HS6ST2: variants seen among roughly 807,000 people sequenced by gnomAD.
HS6ST2 encodes the protein heparan-sulfate 6-O-sulfotransferase 2.
In HS6ST2, 17 loss-of-function variants were observed where a neutral mutation model predicts 33.0. The observed-to-expected ratio is 0.52, with a 90% CI of 0.35 to 0.77. The LOEUF is 0.77. Among genes scored for constraint, HS6ST2 ranks in the 30% least tolerant of loss-of-function variants. HS6ST2 has a pLI of 0.01. For synonymous variants in HS6ST2, 248 were observed against 237.1 expected (o/e 1.05, Z -0.42); for missense variants, 519 against 551.7 (o/e 0.94, Z 0.59).
intron 4 of HS6ST2, among the ~76,000 whole-genome samples, chrX:132,662,588 C>T (rs1397920526): frequency 2.7e-5 from 3 of 112,219 alleles, no homozygotes; most frequent in Non-Finnish European, 5.6e-5. Flanking sequence ...CTTTTCAAGG[C>T]TTGATTAACA....
At chrX:132,767,736 C>A (rs1239339011) in intron 2 of HS6ST2, among the ~76,000 whole-genome samples, 1 of 111,099 alleles carries the variant, frequency 9.0e-6, no homozygotes, top group African/African-American at 3.3e-5. Context: ...TGCCTCTATG[C>A]TCGGCATGGT....
chrX:132,839,609 C>T (rs1219579278), intron 2 of HS6ST2, among the ~76,000 whole-genome samples: 1 of 109,583 alleles, frequency 9.1e-6, no homozygotes, highest in Non-Finnish European at 1.9e-5. Context: ...TACATCATTC[C>T]AATGATGATT....
intron 3 of HS6ST2, among the ~76,000 whole-genome samples, chrX:132,675,193 T>C (rs957435902): frequency 2.7e-5 from 3 of 110,227 alleles, no homozygotes; most frequent in Non-Finnish European, 5.7e-5. Context: ...CAGTAGGCAA[T>C]TAGAGAAATG....
At chrX:132,755,609 G>T (rs1177136055) in intron 2 of HS6ST2, among the ~76,000 whole-genome samples, 1 of 111,099 alleles carries the variant, frequency 9.0e-6, no homozygotes, top group Non-Finnish European at 1.9e-5. Context: ...GGTCAAGAGA[G>T]GCAGGGGTGT....
chrX:132,947,422 A>G (rs1261217365), intron 2 of HS6ST2, among the ~76,000 whole-genome samples: 1 of 110,998 alleles, frequency 9.0e-6, no homozygotes, highest in African/African-American at 3.3e-5. Flanking sequence ...AGCTCTGCCA[A>G]CTTTTGCTTT....
At chrX:132,773,493 G>A (rs2064927640) in intron 2 of HS6ST2, among the ~76,000 whole-genome samples, 1 of 110,263 alleles carries the variant, frequency 9.1e-6, no homozygotes, top group Non-Finnish European at 1.9e-5. Context: ...CAAGAGAACT[G>A]AAATCACCTG....
At chrX:132,759,119 A>G (rs2064783252) in intron 2 of HS6ST2, among the ~76,000 whole-genome samples, 1 of 112,075 alleles carries the variant, frequency 8.9e-6, no homozygotes, top group African/African-American at 3.2e-5. Flanking sequence ...GATGGAAATT[A>G]AATGCAAAGA....
intron 2 of HS6ST2, among the ~76,000 whole-genome samples, chrX:132,863,491 A>AT (rs113230236): frequency 0.37 from 34,711 of 94,185 alleles, 6,251 homozygotes; most frequent in African/African-American, 0.58. Context: ...AGCTAACTTA[A>AT]TTTTTTTTTT....
At chrX:132,723,312 C>T (rs1791645373) in intron 2 of HS6ST2, among the ~76,000 whole-genome samples, 1 of 111,943 alleles carries the variant, frequency 8.9e-6, no homozygotes, top group Admixed American at 9.5e-5. Context: ...GGGAATACTT[C>T]CAAACTCATT....
chrX:132,831,039 A>G (rs749650582), intron 2 of HS6ST2, among the ~76,000 whole-genome samples: 2 of 111,920 alleles, frequency 1.8e-5, no homozygotes, highest in East Asian at 5.6e-4. Context: ...AAAGATTTCA[A>G]AGAAGATGTA....
chrX:132,703,125 G>A (rs777570848), intron 3 of HS6ST2, among the ~76,000 whole-genome samples: 6 of 112,255 alleles, frequency 5.3e-5, no homozygotes, highest in South Asian at 7.5e-4. Flanking sequence ...GTTTTGTGCC[G>A]TGAGAGATCT....
intron 2 of HS6ST2, among the ~76,000 whole-genome samples, chrX:132,900,470 C>A (rs1431947954): frequency 1.8e-5 from 2 of 111,104 alleles, no homozygotes; most frequent in Non-Finnish European, 3.8e-5. Flanking sequence ...AATCCTAGCA[C>A]TTTTGGAGGC....
intron 2 of HS6ST2, among the ~76,000 whole-genome samples, chrX:132,817,850 C>T (rs929381531): frequency 3.6e-5 from 4 of 111,665 alleles, no homozygotes; most frequent in African/African-American, 6.5e-5. Context: ...ATCATACCTA[C>T]CTCTGATAGC....
chrX:132,811,423 T>C (rs900650128), intron 2 of HS6ST2, among the ~76,000 whole-genome samples: 6 of 108,507 alleles, frequency 5.5e-5, no homozygotes, highest in African/African-American at 2.0e-4. Context: ...TGTGCAACCA[T>C]CACCACCATC....
chrX:132,756,389 A>AG (rs1356737418), intron 2 of HS6ST2, among the ~76,000 whole-genome samples: 3 of 111,420 alleles, frequency 2.7e-5, no homozygotes, highest in Non-Finnish European at 5.6e-5. Flanking sequence ...CAACAAGATG[A>AG]GGGGAAAGCA....
chrX:132,812,122 C>T (rs753833734), intron 2 of HS6ST2, among the ~76,000 whole-genome samples: 1 of 109,529 alleles, frequency 9.1e-6, no homozygotes, highest in African/African-American at 3.3e-5. Context: ...TAATGGACAT[C>T]CTGGCCGGGC....
At chrX:132,745,540 C>T in intron 2 of HS6ST2, among the ~76,000 whole-genome samples, 1 of 112,152 alleles carries the variant, frequency 8.9e-6, no homozygotes, top group East Asian at 2.8e-4. Flanking sequence ...ACTTTGTACC[C>T]TTACCCATGT....
intron 2 of HS6ST2, among the ~76,000 whole-genome samples, chrX:132,713,657 T>C (rs1323623784): frequency 8.9e-6 from 1 of 111,823 alleles, no homozygotes; most frequent in Non-Finnish European, 1.9e-5. Flanking sequence ...ATGAGAATAC[T>C]GGAACCCAGA....
chrX:132,740,784 G>T (rs755265731), intron 2 of HS6ST2, among the ~76,000 whole-genome samples: 1 of 111,028 alleles, frequency 9.0e-6, no homozygotes, highest in African/African-American at 3.3e-5. Context: ...GGAAGCAGCT[G>T]CTGAAACTGA....
Sources: allele counts gnomAD v4.1 joint callset (sites outside exome capture counted in the v4.1 genomes callset), GRCh38; gene constraint gnomAD v4.1.1; transcripts MANE v1.5; gene names NCBI Gene and HGNC (gene_info 2026-07-23, HGNC 2026-07-21).